Variants in SCFD2 observed in about 807,000 individuals in gnomAD.
The protein encoded by SCFD2 is sec1 family domain containing 2, also known as sec1 family domain-containing protein 2.
A neutral mutation model predicts 58.9 loss-of-function variants in SCFD2; 54 were observed. The observed-to-expected ratio is 0.92, with a 90% CI of 0.74 to 1.15. The LOEUF is 1.15. SCFD2 is among the 50% of genes most tolerant of loss of function. The pLI is 0.00. For synonymous variants in SCFD2, 321 were observed against 335.9 expected (o/e 0.96, Z 0.49); for missense variants, 805 against 836.6 (o/e 0.96, Z 0.47).
intron 2 of SCFD2, among the ~76,000 whole-genome samples, chr4:53,332,490 A>G (rs1176617894): frequency 6.6e-6 from 1 of 152,160 alleles, no homozygotes; most frequent in Non-Finnish European, 1.5e-5. Flanking sequence ...GAACCAAAGA[A>G]AAAAACCACA....
intron 5 of SCFD2, chr4:52,948,711 A>G (rs167293): frequency 0.081 from 27,448 of 339,830 alleles, 2,278 homozygotes; most frequent in African/African-American, 0.28. Context: ...TAAGCAACCA[A>G]CAGAAGAACA....
At chr4:53,060,051 G>C (rs1380965814) in intron 5 of SCFD2, among the ~76,000 whole-genome samples, 1 of 151,918 alleles carries the variant, frequency 6.6e-6, no homozygotes, top group African/African-American at 2.4e-5. Flanking sequence ...CTTACTACTG[G>C]GAACACTTGG....
chr4:53,343,618 C>T (rs1362759396), intron 2 of SCFD2, among the ~76,000 whole-genome samples: 1 of 152,150 alleles, frequency 6.6e-6, no homozygotes, highest in Non-Finnish European at 1.5e-5. Flanking sequence ...CCAGCATCAT[C>T]CTGATATTAA....
At chr4:53,219,220 G>A (rs981389533) in intron 4 of SCFD2, among the ~76,000 whole-genome samples, 8 of 152,170 alleles carry the variant, frequency 5.3e-5, no homozygotes, top group African/African-American at 1.9e-4. Flanking sequence ...GTTCAGCTAT[G>A]CCCTGCCCCA....
intron 3 of SCFD2, among the ~76,000 whole-genome samples, chr4:53,286,682 C>G (rs1731678112): frequency 6.6e-6 from 1 of 152,174 alleles, no homozygotes; most frequent in South Asian, 2.1e-4. Context: ...CTGTGGCACC[C>G]TACTCTGGGC....
At chr4:53,301,724 C>T (rs1338170458) in intron 3 of SCFD2, among the ~76,000 whole-genome samples, 1 of 152,146 alleles carries the variant, frequency 6.6e-6, no homozygotes, top group African/African-American at 2.4e-5. Flanking sequence ...TAAACTGAAT[C>T]CAGCAACACA....
At chr4:53,293,429 C>T (rs1003922521) in intron 3 of SCFD2, among the ~76,000 whole-genome samples, 2 of 152,020 alleles carry the variant, frequency 1.3e-5, no homozygotes, top group Admixed American at 6.6e-5. Context: ...ATGTAACAAA[C>T]CTGCATTCCT....
chr4:53,326,515 T>C (rs1287608941), intron 2 of SCFD2, among the ~76,000 whole-genome samples: 1 of 152,076 alleles, frequency 6.6e-6, no homozygotes, highest in African/African-American at 2.4e-5. Context: ...AAAAAAAATC[T>C]ACAAAAAGTC....
At chr4:53,219,580 T>C (rs547249406) in intron 4 of SCFD2, among the ~76,000 whole-genome samples, 20 of 152,218 alleles carry the variant, frequency 1.3e-4, no homozygotes, top group African/African-American at 4.1e-4. Context: ...CCCCTTGCAC[T>C]TCCTGGGTGA....
intron 5 of SCFD2, among the ~76,000 whole-genome samples, chr4:53,075,549 T>C (rs1409176226): frequency 6.6e-6 from 1 of 152,184 alleles, no homozygotes; most frequent in Non-Finnish European, 1.5e-5. Flanking sequence ...TCTTTTGATT[T>C]AAAGTAAGGG....
intron 4 of SCFD2, among the ~76,000 whole-genome samples, chr4:53,223,907 C>A (rs911705685): frequency 6.6e-6 from 1 of 152,124 alleles, no homozygotes; most frequent in South Asian, 2.1e-4. Flanking sequence ...ATAGATACTA[C>A]GAAACACAAA....
At chr4:53,134,126 G>C (rs1398838968) in intron 5 of SCFD2, among the ~76,000 whole-genome samples, 1 of 152,178 alleles carries the variant, frequency 6.6e-6, no homozygotes, top group African/African-American at 2.4e-5. Flanking sequence ...TGAGGTATAG[G>C]TAAATTCATA....
chr4:52,983,454 T>C (rs1348306540), intron 5 of SCFD2, among the ~76,000 whole-genome samples: 5 of 152,214 alleles, frequency 3.3e-5, no homozygotes, highest in Non-Finnish European at 5.9e-5. Context: ...AGGAGATGTA[T>C]TTACCTTAGT....
chr4:53,333,379 A>G (rs1205012248), intron 2 of SCFD2, among the ~76,000 whole-genome samples: 9 of 139,244 alleles, frequency 6.5e-5, no homozygotes, highest in Non-Finnish European at 1.4e-4. Context: ...CCAAAACAGC[A>G]TGGTACTGGT....
intron 2 of SCFD2, among the ~76,000 whole-genome samples, chr4:53,349,275 C>T (rs1268936488): frequency 6.6e-6 from 1 of 152,164 alleles, no homozygotes; most frequent in Non-Finnish European, 1.5e-5. Context: ...GTCATGAAGA[C>T]TTTGTCTGCA....
At chr4:53,053,456 C>T (rs560521880) in intron 5 of SCFD2, among the ~76,000 whole-genome samples, 103 of 152,226 alleles carry the variant, frequency 6.8e-4, no homozygotes, top group South Asian at 6.4e-3. Context: ...TCCCACTGGT[C>T]AACACCCTGC....
chr4:53,199,225 A>G (rs1257498112), intron 4 of SCFD2, among the ~76,000 whole-genome samples: 1 of 152,090 alleles, frequency 6.6e-6, no homozygotes, highest in Non-Finnish European at 1.5e-5. Flanking sequence ...CCTTCTAATA[A>G]TAACATTTTT....
intron 5 of SCFD2, among the ~76,000 whole-genome samples, chr4:52,994,261 A>G (rs1721690037): frequency 6.6e-6 from 1 of 152,206 alleles, no homozygotes; most frequent in Non-Finnish European, 1.5e-5. Context: ...CTGCCTTACT[A>G]CTTCAGTTTT....
At chr4:52,901,874 C>T (rs1175743710) in intron 7 of SCFD2, among the ~76,000 whole-genome samples, 1 of 152,244 alleles carries the variant, frequency 6.6e-6, no homozygotes, top group Non-Finnish European at 1.5e-5. Flanking sequence ...CCTGACTTTC[C>T]TATCGCAGAG....
Sources: allele counts gnomAD v4.1 joint callset (sites outside exome capture counted in the v4.1 genomes callset), GRCh38; gene constraint gnomAD v4.1.1; transcripts MANE v1.5; gene names NCBI Gene and HGNC (gene_info 2026-07-23, HGNC 2026-07-21).